The following MYRIP variants were observed in gnomAD, a reference collection of about 807,000 sequenced individuals.
MYRIP encodes rab effector MyRIP.
In MYRIP, 49 loss-of-function variants were observed where a neutral mutation model predicts 98.0. The ratio of observed to expected loss-of-function variants is 0.50; its 90% confidence interval spans 0.40 to 0.63. MYRIP has a LOEUF of 0.63. Ranked by LOEUF, MYRIP falls within the 30% of genes least tolerant of loss-of-function variation. The pLI is 0.00. For synonymous variants in MYRIP, 404 were observed against 409.5 expected (o/e 0.99, Z 0.16); for missense variants, 1,004 against 1,058.2 (o/e 0.95, Z 0.71).
chr3:39,858,802 TAAATC>T (rs1942379166), intron 1 of MYRIP, among the ~76,000 whole-genome samples: 1 of 151,712 alleles, frequency 6.6e-6, no homozygotes, highest in South Asian at 2.1e-4. Context: ...GGTCAAATAA[TAAATC>T]AAAAGGGAAA....
chr3:39,936,360 T>C (rs1193245790), intron 2 of MYRIP, among the ~76,000 whole-genome samples: 6 of 152,154 alleles, frequency 3.9e-5, no homozygotes, highest in Non-Finnish European at 7.4e-5. Context: ...GTCAGAACCA[T>C]TGTGGCTAGT....
At chr3:40,000,425 C>T (rs533285567) in intron 2 of MYRIP, among the ~76,000 whole-genome samples, 1 of 152,120 alleles carries the variant, frequency 6.6e-6, no homozygotes, top group African/African-American at 2.4e-5. Context: ...AAGGTTCCTC[C>T]CCATGTCATG....
intron 3 of MYRIP, 90 bp downstream of exon 3, chr3:40,044,361 T>C (rs1453938906): frequency 2.3e-6 from 3 of 1,288,138 alleles, no homozygotes; most frequent in Non-Finnish European, 2.2e-6. Context: ...CCAGCTATGA[T>C]TGGTAGATCA....
intron 11 of MYRIP, among the ~76,000 whole-genome samples, chr3:40,221,298 C>T (rs571938343): frequency 2.6e-5 from 4 of 151,968 alleles, no homozygotes; most frequent in Non-Finnish European, 5.9e-5. Context: ...AGTAAAAATG[C>T]AAATTAAATT....
At chr3:39,942,010 C>T (rs557894706) in intron 2 of MYRIP, among the ~76,000 whole-genome samples, 1 of 152,144 alleles carries the variant, frequency 6.6e-6, no homozygotes, top group Non-Finnish European at 1.5e-5. Context: ...CTTGCTTTGA[C>T]AAAATGTCAT....
intron 10 of MYRIP, among the ~76,000 whole-genome samples, chr3:40,204,684 C>G (rs963803824): frequency 1.3e-5 from 2 of 152,124 alleles, no homozygotes; most frequent in Non-Finnish European, 2.9e-5. Context: ...AATCAGTCCT[C>G]CAAACCCTCC....
At chr3:40,149,242 T>G (rs1352615936) in intron 3 of MYRIP, among the ~76,000 whole-genome samples, 1 of 152,068 alleles carries the variant, frequency 6.6e-6, no homozygotes, top group African/African-American at 2.4e-5. Flanking sequence ...TGTCACATGG[T>G]GAGAGAGGGA....
chr3:40,130,086 C>G (rs1387948946), intron 3 of MYRIP, among the ~76,000 whole-genome samples: 1 of 152,098 alleles, frequency 6.6e-6, no homozygotes, highest in Non-Finnish European at 1.5e-5. Context: ...ACGCAGCTTT[C>G]TATTTGCTTG....
At chr3:39,857,285 G>T (rs1054719999) in intron 1 of MYRIP, among the ~76,000 whole-genome samples, 1 of 151,966 alleles carries the variant, frequency 6.6e-6, no homozygotes, top group African/African-American at 2.4e-5. Context: ...AAGGAAAAAT[G>T]AGTATCTATG....
At chr3:40,097,737 C>T (rs1360465990) in intron 3 of MYRIP, among the ~76,000 whole-genome samples, 1 of 152,196 alleles carries the variant, frequency 6.6e-6, no homozygotes, top group East Asian at 1.9e-4. Context: ...CTCAGAGCCT[C>T]CTGTGTCTCT....
intron 11 of MYRIP, among the ~76,000 whole-genome samples, chr3:40,227,358 A>G (rs1054086373): frequency 1.3e-5 from 2 of 151,708 alleles, no homozygotes; most frequent in African/African-American, 4.9e-5. Flanking sequence ...AGAATGAAAA[A>G]CCGGGAAACA....
intron 5 of MYRIP, among the ~76,000 whole-genome samples, chr3:40,165,068 A>T (rs1445022311): frequency 6.6e-6 from 1 of 152,218 alleles, no homozygotes; most frequent in Non-Finnish European, 1.5e-5. Flanking sequence ...TGAAAAATAC[A>T]TCGGTGGCTA....
At chr3:40,191,584 C>A (rs1050005874) in intron 10 of MYRIP, among the ~76,000 whole-genome samples, 2 of 152,080 alleles carry the variant, frequency 1.3e-5, no homozygotes, top group African/African-American at 4.8e-5. Context: ...GGTCCTGAGG[C>A]CCCCATGAAG....
chr3:40,013,114 C>A (rs1946796929), intron 2 of MYRIP, among the ~76,000 whole-genome samples: 1 of 152,228 alleles, frequency 6.6e-6, no homozygotes, highest in East Asian at 1.9e-4. Flanking sequence ...GCCTGTACAG[C>A]TTCTCTCTGG....
chr3:39,851,650 G>A lies in MYRIP; in HGVS notation c.-31+41734G>A, dbSNP rs567440326. Among the ~76,000 whole-genome samples, 213 of 152,264 alleles carry A rather than the reference G, an allele frequency of 1.4e-3. 4 individuals are homozygous for A. The South Asian group carries it at 0.043, about 31-fold the overall frequency. On this transcript the variant is annotated intron_variant, in intron 1 of 16. Transcript: ENST00000302541. The stretch of plus-strand genomic sequence containing the variant: ...ATACAATCAAAGTTTACAATACAGG[G>A]ATAATTAGATCTCCCTCACCAGTTT...
chr3:39,924,866 G>C (rs1443496757), intron 2 of MYRIP, among the ~76,000 whole-genome samples: 1 of 151,710 alleles, frequency 6.6e-6, no homozygotes. Flanking sequence ...ATAATCCATA[G>C]GTCAAGGAGG....
intron 1 of MYRIP, among the ~76,000 whole-genome samples, chr3:39,880,556 A>G (rs997402855): frequency 2.0e-5 from 3 of 152,246 alleles, no homozygotes; most frequent in Non-Finnish European, 4.4e-5. Context: ...CCCTGGAACC[A>G]GACAGCTTGG....
intron 10 of MYRIP, among the ~76,000 whole-genome samples, chr3:40,192,345 T>TATATATGTCATATATATATGTC (rs1559445051): frequency 6.5e-5 from 8 of 122,140 alleles, no homozygotes; most frequent in African/African-American, 2.4e-4. Context: ...ATATATGTCA[T>TATATATGTCATATATATATGTC]ATATATATTT....
Position 40,162,753 on chromosome 3 carries a change from C to T in MYRIP, c.493C>T (p.Leu165=). 5 of 1,614,030 alleles carry T rather than the reference C, an allele frequency of 3.1e-6. No homozygotes were observed. The highest frequency in any genetic ancestry group is 4.2e-6 in the Non-Finnish European group (5 of 1,179,958). Residue 165 remains leucine (L), a synonymous_variant, in exon 5 of 17, where the codon CTG becomes TTG. Transcript: ENST00000302541. ...AGGAGGAAGCCTTTTTGAGTCAAAC[C>T]TGGAGAATGAAGGAAGCATTTCTGG... ...ILGGSLFESN[L]ENEGSISGSD... is the part of the protein sequence containing the mutation.
Sources: allele counts gnomAD v4.1 joint callset (sites outside exome capture counted in the v4.1 genomes callset), GRCh38; gene constraint gnomAD v4.1.1; transcripts MANE v1.5; gene names NCBI Gene and HGNC (gene_info 2026-07-23, HGNC 2026-07-21).